BRCA1: variants seen among roughly 807,000 people sequenced by gnomAD.
BRCA1 encodes BRCA1 DNA repair associated.
BRCA1 carries 140 observed loss-of-function variants against 173.7 expected under a neutral mutation model. The ratio of observed to expected loss-of-function variants is 0.81; its 90% CI spans 0.70 to 0.93. The LOEUF is 0.93. BRCA1 is among the 40% of genes least tolerant of loss of function. BRCA1 has a pLI of 0.00. For missense variants in BRCA1, 1,983 were observed against 2,172.5 expected (o/e 0.91, Z 1.73); for synonymous variants, 662 against 756.0 (o/e 0.88, Z 2.04).
In BRCA1 at chr17:43,094,761, T is replaced by A; in HGVS notation, c.770A>T (p.His257Leu). 6.2e-7 allele frequency: 1 copy of A among 1,610,718 alleles called. No individual in the cohort carries two copies. The highest frequency in any genetic ancestry group is 8.5e-7 in the Non-Finnish European group (1 of 1,178,000). ...AGAACTACCCTGATACTTTTCTGGATGCCTCTCAGCTGCACGCTTCTCAGT... is the reference window on the plus strand; with the variant it reads ...AGAACTACCCTGATACTTTTCTGGAAGCCTCTCAGCTGCACGCTTCTCAGT... ...NTTEKRAAER[H>L]PEKYQGSSVS... The change falls in exon 10 of 23, where the codon CAT (histidine) becomes CTT (leucine). Residue 257 changes from histidine (H) to leucine (L), a missense_variant. Transcript: ENST00000357654.
At chr17:43,161,700 A>G (rs1410630333) in intron 1 of BRCA1, 1 of 152,074 alleles carries the variant, frequency 6.6e-6, no homozygotes, top group Non-Finnish European at 1.5e-5. Flanking sequence ...GCTATATAGT[A>G]TTGTCTAATG....
In BRCA1 at chr17:43,063,371, C is replaced by G. The variant is rs749465132; in HGVS notation, c.5155G>C (p.Val1719Leu). Residue 1719 changes from valine (V) to leucine (L), a missense_variant and splice_region_variant, in exon 18 of 23, where the codon GTG becomes CTG. Transcript: ENST00000357654. ...GGKWVVSYFW[V>L]TQSIKERKML... The stretch of plus-strand genomic sequence containing the variant: ...TTTCTTTCTTTAATAGACTGGGTCA[C>G]CCCTAAAGAGATCATAGAAAAGACA... 6.2e-7 allele frequency: 1 copy of G among 1,611,420 alleles called. No individual in the cohort carries two copies. Among genetic ancestry groups the G allele is most frequent in the Non-Finnish European group, 8.5e-7 (1 of 1,177,840 alleles).
chr17:43,104,527 C>T (rs940815577), intron 5 of BRCA1, among the ~76,000 whole-genome samples: 2 of 152,120 alleles, frequency 1.3e-5, no homozygotes, highest in African/African-American at 4.8e-5. Flanking sequence ...CCTATCAATA[C>T]TGTATTTCAC....
At position 43,071,170 on chromosome 17, in the gene BRCA1, C is replaced by A; in HGVS notation, c.4744G>T (p.Asp1582Tyr). The A allele has an allele frequency of 6.2e-7, 1 of 1,614,148 alleles. No individual in the cohort carries two copies. Among genetic ancestry groups the A allele is most frequent in the African/African-American group, 1.3e-5 (1 of 75,052 alleles). ...ACACGAGCTGACTCTGGGGCTCTGT[C>A]TTCAGAAGGATCAGATTCAGGGTCA... The part of the protein sequence containing the change: ...SDDPESDPSE[D>Y]RAPESARVGN... Residue 1582 changes from aspartate to tyrosine, a missense_variant, in exon 15 of 23, where the codon GAC becomes TAC. Physicochemically the swap from Asp to Tyr is radical, Grantham distance 160. Coordinates refer to ENST00000357654, the MANE Select transcript of BRCA1 (RefSeq NM_007294.4).
Position 43,093,058 on chromosome 17 carries a change from C to G in BRCA1, c.2473G>C (p.Asp825His), listed in dbSNP as rs80357328. 1 of 1,613,834 alleles carries G rather than the reference C, an allele frequency of 6.2e-7. No homozygotes were observed. Residue 825 changes from aspartate to histidine, a missense_variant, in exon 10 of 23, where the codon GAC becomes CAC. Asp to His is a moderately conservative substitution (Grantham distance 81). Transcript: ENST00000357654. ...IHGCSKDNRNDTEGFKYPLGH... is the reference protein window; with the variant it reads ...IHGCSKDNRNHTEGFKYPLGH... Reference sequence around the variant, plus strand: ...AATGGATACTTAAAGCCTTCTGTGTCATTTCTATTATCTTTGGAACAACCA... The same window carrying G: ...AATGGATACTTAAAGCCTTCTGTGTGATTTCTATTATCTTTGGAACAACCA...
In BRCA1 at chr17:43,091,815, G is replaced by A. The variant is rs2154292840; in HGVS notation, c.3716C>T (p.Ser1239Phe). Reference sequence around the variant, plus strand: ...AACGGTGCTATGCCTAGTAGACTGAGAAGGTATATTGTTTACTTTACCAAA... The same window carrying A: ...AACGGTGCTATGCCTAGTAGACTGAAAAGGTATATTGTTTACTTTACCAAA... ...LLFGKVNNIP[S>F]QSTRHSTVAT... The change falls in exon 10 of 23, where the codon TCT becomes TTT. Residue 1239 changes from serine (S) to phenylalanine (F), a missense_variant. By Grantham distance (155) the Ser-to-Phe change is radical (BLOSUM62 -2). Transcript: ENST00000357654. The A allele has an allele frequency of 3.1e-6, 5 of 1,614,208 alleles. No homozygotes were observed. Among genetic ancestry groups the A allele is most frequent in the Non-Finnish European group, 4.2e-6 (5 of 1,180,032 alleles).
rs895070717 is a variant in BRCA1 at position 43,106,485 on chromosome 17, A to G, written c.183T>C (p.Cys61=). The change falls in exon 4 of 23, where the codon TGT becomes TGC. Residue 61 remains cysteine (C), a synonymous_variant. Transcript: ENST00000357654. ...TGGTTATATCATTCTTACATAAAGG[A>G]CACTGTGAAGGCCCTTTCTTCTGGT... is the stretch of plus-strand genomic sequence containing the variant. The part of the protein sequence containing the change: ...LLNQKKGPSQ[C]PLCKNDITKR... The G allele has an allele frequency of 2.5e-6, 4 of 1,604,690 alleles. No individual in the cohort carries two copies. The highest frequency in any genetic ancestry group is 2.6e-6 in the Non-Finnish European group (3 of 1,172,494).
rs80357856 is a variant in BRCA1 at position 43,092,478 on chromosome 17, T to TTCTCA, written c.3048_3052dup (p.Asn1018MetfsTer8). 6.8e-6 allele frequency: 11 copies of TTCTCA among 1,614,042 alleles called. No homozygotes were observed. The highest frequency in any genetic ancestry group is 9.3e-6 in the Non-Finnish European group (11 of 1,179,982). ...AATTGTGCTCACTGTACTTGGAATG[T>TTCTCA]TCTCATTTCCCATTTCTCTTTCAGG... On this transcript the variant is annotated frameshift_variant, in exon 10 of 23. Transcript: ENST00000357654. LOFTEE classifies it high-confidence loss of function.
At chr17:43,138,645 C>A in intron 1 of BRCA1, 1 of 774,924 alleles carries the variant, frequency 1.3e-6, no homozygotes, top group South Asian at 1.4e-5. Context: ...CATTTCACCC[C>A]TTTCTGTGCA....
chr17:43,140,692 A>G (rs917967270), intron 1 of BRCA1, among the ~76,000 whole-genome samples: 2 of 152,046 alleles, frequency 1.3e-5, no homozygotes, highest in African/African-American at 4.8e-5. Flanking sequence ...GCTGTCCCAC[A>G]CTGTCTCCTC....
chr17:43,126,699 C>T (rs1179364320), upstream of BRCA1, among the ~76,000 whole-genome samples: 3 of 152,216 alleles, frequency 2.0e-5, no homozygotes, highest in East Asian at 1.9e-4. Flanking sequence ...AGCCCTCGCT[C>T]GCTCTCGGCG....
intron 1 of BRCA1, among the ~76,000 whole-genome samples, chr17:43,149,265 G>GTT (rs57452879): frequency 1.0e-4 from 12 of 116,902 alleles, no homozygotes; most frequent in Non-Finnish European, 9.3e-5. Flanking sequence ...CACCGGGCTA[G>GTT]TTTTTTTTTT....
Position 43,115,729 on chromosome 17 carries a change from C to A in BRCA1, c.131G>T (p.Cys44Phe), listed in dbSNP as rs80357446. Residue 44 changes from cysteine to phenylalanine, a missense_variant, in exon 3 of 23, where the codon TGC (cysteine) becomes TTC (phenylalanine). Physicochemically the swap from Cys to Phe is radical, Grantham distance 205. Transcript: ENST00000357654. ...PVSTKCDHIFCKFCMLKLLNQ... is the reference protein window; with the variant it reads ...PVSTKCDHIFFKFCMLKLLNQ... ...CACATAACACATTCAAACTTACTTGCAAAATATGTGGTCACACTTTGTGGA... is the reference window on the plus strand; with the variant it reads ...CACATAACACATTCAAACTTACTTGAAAAATATGTGGTCACACTTTGTGGA... 3 of 1,613,326 alleles carry A rather than the reference C, an allele frequency of 1.9e-6. No homozygotes were observed. Among genetic ancestry groups the A allele is most frequent in the Middle Eastern group, 1.6e-4 (1 of 6,062 alleles).
intron 2 of BRCA1, 46 bp downstream of exon 2, chr17:43,123,971 G>C (rs2055708596): frequency 7.0e-7 from 1 of 1,426,152 alleles, no homozygotes; most frequent in South Asian, 1.1e-5. Context: ...TTGCATAGGA[G>C]ATAATCATAG....
intron 1 of BRCA1, among the ~76,000 whole-genome samples, chr17:43,134,401 CAA>C (rs754450975): frequency 1.4e-4 from 22 of 152,064 alleles, no homozygotes; most frequent in South Asian, 2.1e-4. Context: ...AAAAAGCAGA[CAA>C]GAGATTACCG....
At chr17:43,071,969 T>C (rs1567776178) in intron 14 of BRCA1, among the ~76,000 whole-genome samples, 1 of 151,652 alleles carries the variant, frequency 6.6e-6, no homozygotes, top group Non-Finnish European at 1.5e-5. Flanking sequence ...GATTGAGCCA[T>C]TGCATTCCAG....
At chr17:43,108,072 C>T (rs554889085) in intron 3 of BRCA1, among the ~76,000 whole-genome samples, 3 of 152,082 alleles carry the variant, frequency 2.0e-5, no homozygotes, top group East Asian at 3.9e-4. Context: ...GGGCTGTGCA[C>T]GGTGGTCCAC....
intron 14 of BRCA1, among the ~76,000 whole-genome samples, chr17:43,073,848 G>T (rs936587339): frequency 6.6e-6 from 1 of 151,888 alleles, no homozygotes; most frequent in Non-Finnish European, 1.5e-5. Flanking sequence ...TCCGCCTCCC[G>T]GGTTCAAGTG....
intron 2 of BRCA1, among the ~76,000 whole-genome samples, chr17:43,118,136 A>G (rs2055381132): frequency 1.3e-5 from 2 of 152,222 alleles, no homozygotes; most frequent in African/African-American, 4.8e-5. Context: ...GGATAGCTTA[A>G]TAATGTAAAG....
Sources: allele counts gnomAD v4.1 joint callset (sites outside exome capture counted in the v4.1 genomes callset), GRCh38; gene constraint gnomAD v4.1.1; transcripts MANE v1.5; gene names NCBI Gene and HGNC (gene_info 2026-07-23, HGNC 2026-07-21).